CUL2: variants seen among roughly 807,000 people sequenced by gnomAD.
The protein encoded by CUL2 is cullin 2, also known as cullin-2.
Under a neutral mutation model 110.2 loss-of-function variants are expected in CUL2, and 22 were observed. The ratio of observed to expected loss-of-function variants is 0.20; its 90% CI spans 0.14 to 0.28. The LOEUF is 0.28. CUL2 is among the 10% of genes least tolerant of loss of function. CUL2 has a pLI of 1.00. For missense variants in CUL2, 631 were observed against 905.5 expected (o/e 0.70, Z 3.89); for synonymous variants, 279 against 293.2 (o/e 0.95, Z 0.49).
intron 1 of CUL2, among the ~76,000 whole-genome samples, chr10:35,116,076 T>C (rs1442173234): frequency 6.6e-6 from 1 of 151,142 alleles, no homozygotes; most frequent in East Asian, 2.0e-4. Context: ...GGCACAGCGG[T>C]TCACACCTGT....
chr10:35,060,612 T>C (rs1023622643), intron 4 of CUL2, among the ~76,000 whole-genome samples: 6 of 152,206 alleles, frequency 3.9e-5, no homozygotes, highest in Admixed American at 3.9e-4. Flanking sequence ...GTGCTACAGG[T>C]TGTAAACAAT....
intron 5 of CUL2, 25 bp downstream of exon 5, chr10:35,054,409 G>A: frequency 8.1e-7 from 1 of 1,230,902 alleles, no homozygotes; most frequent in Non-Finnish European, 1.2e-6. Flanking sequence ...ACTTATGTTT[G>A]CTAGTCACTT....
intron 2 of CUL2, among the ~76,000 whole-genome samples, chr10:35,068,856 G>C (rs2086606370): frequency 6.6e-6 from 1 of 151,972 alleles, no homozygotes; most frequent in Non-Finnish European, 1.5e-5. Flanking sequence ...ATAACAATTA[G>C]TAGCATAGTC....
At chr10:35,037,354 G>A (rs1441307079) in intron 9 of CUL2, among the ~76,000 whole-genome samples, 3 of 152,178 alleles carry the variant, frequency 2.0e-5, no homozygotes, top group Non-Finnish European at 2.9e-5. Context: ...GTTGTTTCTA[G>A]GATCTCTTAT....
upstream of CUL2, among the ~76,000 whole-genome samples, chr10:35,094,632 G>C (rs2087269206): frequency 6.6e-6 from 1 of 152,260 alleles, no homozygotes; most frequent in South Asian, 2.1e-4. Flanking sequence ...TCTTAACTCT[G>C]GTTGGAAATG....
chr10:35,078,799 G>C (rs2086882177), intron 1 of CUL2, among the ~76,000 whole-genome samples: 1 of 152,098 alleles, frequency 6.6e-6, no homozygotes, highest in African/African-American at 2.4e-5. Context: ...TCTCTTTATA[G>C]TGAACAAAAC....
At chr10:35,050,213 C>T (rs940687849) in intron 5 of CUL2, among the ~76,000 whole-genome samples, 1 of 151,232 alleles carries the variant, frequency 6.6e-6, no homozygotes, top group Non-Finnish European at 1.5e-5. Context: ...CCCAGCTACT[C>T]GGGAGGCTGA....
In CUL2 at chr10:35,009,201, T is replaced by TAA. The variant is rs1554851929; in HGVS notation, c.*1109_*1110insTT. On this transcript the variant is annotated 3_prime_UTR_variant, in exon 21 of 21. Transcript: ENST00000374749. ...CTGTTGAGATATATATATATATATA[T>TAA]TATATATATATATATATATAAAATA... 73 of 137,886 alleles carry TAA rather than the reference T, an allele frequency of 5.3e-4. No homozygotes were observed. Among genetic ancestry groups the TAA allele is most frequent in the South Asian group, 1.2e-3 (5 of 4,326 alleles). 8.5% of individuals were successfully genotyped at this position (137,886 alleles called of 1,614,324 possible).
chr10:35,029,463 C>T (rs371162171), intron 15 of CUL2, 25 bp downstream of exon 15: 3 of 1,413,208 alleles, frequency 2.1e-6, no homozygotes, highest in Admixed American at 2.5e-5. Context: ...TTAGTAAATG[C>T]TCATAGTAAA....
intron 1 of CUL2, among the ~76,000 whole-genome samples, chr10:35,102,616 G>T (rs990591097): frequency 6.6e-6 from 1 of 151,288 alleles, no homozygotes; most frequent in African/African-American, 2.4e-5. Flanking sequence ...CTGGCACCGT[G>T]GCTCATACCT....
chr10:35,043,988 A>T (rs1236049024), intron 8 of CUL2, among the ~76,000 whole-genome samples: 1 of 142,332 alleles, frequency 7.0e-6, no homozygotes, highest in Non-Finnish European at 1.5e-5. Context: ...GGACCACTTG[A>T]GCCTGGGAGC....
rs764233533 is a variant in CUL2, at chr10:35,031,880, C to G, written c.1171-261G>C. Among the ~76,000 whole-genome samples, 16 of 152,106 alleles carry G rather than the reference C, an allele frequency of 1.1e-4. No homozygotes were observed. The highest frequency in any genetic ancestry group is 1.0e-3 in the Admixed American group (16 of 15,262). On this transcript the variant is annotated intron_variant, in intron 12 of 20. Transcript: ENST00000374749. The surrounding 1 kb of genome is among the most constrained non-coding windows in gnomAD (Gnocchi z 4.4). ...GGGACTACAGGCATGCACAACCACA[C>G]CAGGCTTCTAAAGCTTTATGTAATA...
At chr10:35,065,751 C>T (rs564469048) in intron 2 of CUL2, among the ~76,000 whole-genome samples, 22 of 151,974 alleles carry the variant, frequency 1.4e-4, no homozygotes, top group African/African-American at 5.3e-4. Flanking sequence ...GCCAGCTACT[C>T]GGGAGGCTGA....
At chr10:35,073,026 G>A (rs986506650) in intron 1 of CUL2, among the ~76,000 whole-genome samples, 4 of 152,242 alleles carry the variant, frequency 2.6e-5, no homozygotes, top group South Asian at 2.1e-4. Flanking sequence ...CACCAGCCAC[G>A]GACTGGGAGA....
intron 1 of CUL2, among the ~76,000 whole-genome samples, chr10:35,076,411 A>G (rs990102743): frequency 6.6e-6 from 1 of 152,210 alleles, no homozygotes; most frequent in Non-Finnish European, 1.5e-5. Context: ...TATGTGACGT[A>G]TATCTCAATA....
At chr10:35,014,064 T>C (rs1439188441) in intron 18 of CUL2, among the ~76,000 whole-genome samples, 3 of 152,242 alleles carry the variant, frequency 2.0e-5, no homozygotes, top group African/African-American at 7.2e-5. Context: ...GTCCTACTAT[T>C]CTATATACAC....
intron 1 of CUL2, among the ~76,000 whole-genome samples, chr10:35,126,242 C>T (rs1589081031): frequency 6.6e-6 from 1 of 152,230 alleles, no homozygotes; most frequent in Non-Finnish European, 1.5e-5. Flanking sequence ...CCCGAGCCAG[C>T]GGGCCCAGCA....
At chr10:35,085,537 G>T (rs2087041171) in intron 1 of CUL2, among the ~76,000 whole-genome samples, 1 of 151,646 alleles carries the variant, frequency 6.6e-6, no homozygotes, top group Non-Finnish European at 1.5e-5. Context: ...AAGGTCAGGA[G>T]ATCAAGACCA....
At chr10:35,098,818 C>T (rs528601911) in intron 2 of CUL2, among the ~76,000 whole-genome samples, 2 of 152,164 alleles carry the variant, frequency 1.3e-5, no homozygotes, top group South Asian at 2.1e-4. Flanking sequence ...CCTGTAATCC[C>T]AGTTACTTGG....
Sources: gnomAD v4.1 joint callset for allele counts (sites outside exome capture counted in the v4.1 genomes callset) on GRCh38, gnomAD v4.1.1 for gene constraint, Gnocchi (gnomAD v3.1) non-coding constraint, MANE v1.5 for transcripts, NCBI Gene and HGNC (gene_info 2026-07-23, HGNC 2026-07-21) for gene names.